DST: variants seen among roughly 807,000 people sequenced by gnomAD.
DST encodes the protein dystonin, also known as bullous pemphigoid antigen.
A neutral mutation model predicts 875.2 loss-of-function variants in DST; 253 were observed. That is an observed-to-expected ratio of 0.29 (90% CI 0.26 to 0.32). The LOEUF is 0.32. Among genes scored for constraint, DST ranks in the 10% least tolerant of loss-of-function variants. DST has a pLI of 1.00. For synonymous variants in DST, 3,124 were observed against 3,197.1 expected (o/e 0.98, Z 0.77); for missense variants, 8,287 against 9,111.6 (o/e 0.91, Z 3.68).
rs1337252221 is a variant in DST, at chr6:56,640,450, C to G, written c.2183G>C (p.Ser728Thr). 6 of 1,614,066 alleles carry G rather than the reference C, an allele frequency of 3.7e-6. No individual in the cohort carries two copies. Among genetic ancestry groups the G allele is most frequent in the Non-Finnish European group, 5.1e-6 (6 of 1,180,050 alleles). Residue 728 changes from serine to threonine, a missense_variant, in exon 18 of 104, where the codon AGT becomes ACT. Around this residue, in one of 10 missense-constraint regions of DST, gnomAD observed 1,160 missense variants for 1,424.3 expected, o/e 0.81. Coordinates refer to ENST00000680361, the MANE Select transcript of DST (RefSeq NM_001374736.1). ...NSGFAQTLHP[S>T]LTSGLTQSLT... ...ACTCTGGGTCAGCCCTGAGGTCAGA[C>G]TAGGGTGTAAGGTCTGTGCAAATCC...
intron 36 of DST, chr6:56,615,981 T>C (rs1319068420): frequency 1.9e-6 from 3 of 1,614,102 alleles, no homozygotes; most frequent in African/African-American, 2.7e-5. Flanking sequence ...CGGTACTTTT[T>C]GCCAGTAAGA....
At chr6:56,475,434 C>CACACACACACACACACACAA (rs1554218118) in intron 92 of DST, among the ~76,000 whole-genome samples, 1 of 144,620 alleles carries the variant, frequency 6.9e-6, no homozygotes, top group African/African-American at 2.5e-5. Context: ...CACACACACA[C>CACACACACACACACACACAA]AAAATAATGG....
chr6:56,484,856 G>C (rs899337573), intron 88 of DST: 2 of 156,030 alleles, frequency 1.3e-5, no homozygotes, highest in African/African-American at 4.8e-5. Context: ...GGTTAAAACA[G>C]TTTTGGTTCG....
At chr6:56,870,464 G>T (rs1776527698) in intron 3 of DST, among the ~76,000 whole-genome samples, 1 of 149,082 alleles carries the variant, frequency 6.7e-6, no homozygotes, top group African/African-American at 2.5e-5. Flanking sequence ...AGAGCTCATG[G>T]TAAAAAGTCA....
intron 4 of DST, among the ~76,000 whole-genome samples, chr6:56,753,234 T>C (rs2099593099): frequency 1.3e-5 from 2 of 152,166 alleles, no homozygotes; most frequent in Non-Finnish European, 2.9e-5. Context: ...CATGAATGGC[T>C]ACACTAGAAT....
At chr6:56,488,170 G>A (rs1036555847) in intron 86 of DST, among the ~76,000 whole-genome samples, 1 of 152,124 alleles carries the variant, frequency 6.6e-6, no homozygotes, top group Non-Finnish European at 1.5e-5. Flanking sequence ...CAGAATGCCA[G>A]TGTTATAGAA....
intron 100 of DST, 41 bp downstream of exon 100, chr6:56,464,644 G>A (rs1253335930): frequency 7.3e-7 from 1 of 1,377,714 alleles, no homozygotes; most frequent in East Asian, 2.4e-5. Context: ...GTAGGAAAGA[G>A]AAAAGGAAAG....
chr6:56,558,155 T>C (rs1011851680), intron 58 of DST, among the ~76,000 whole-genome samples: 1 of 152,172 alleles, frequency 6.6e-6, no homozygotes, highest in African/African-American at 2.4e-5. Flanking sequence ...CCTAACTCTA[T>C]TATACCCTCG....
intron 5 of DST, among the ~76,000 whole-genome samples, chr6:56,706,582 T>C (rs1364765482): frequency 6.6e-6 from 1 of 152,202 alleles, no homozygotes; most frequent in East Asian, 1.9e-4. Context: ...ACTGGTTTCA[T>C]GGGAGACAGT....
intron 29 of DST, 38 bp from the exon 30 acceptor site, chr6:56,631,427 A>C: frequency 6.4e-7 from 1 of 1,566,226 alleles, no homozygotes; most frequent in East Asian, 2.2e-5. Context: ...TCAGGCCATC[A>C]CCTGTGATGA....
chr6:56,662,719 C>T (rs1291898833), intron 10 of DST, among the ~76,000 whole-genome samples: 1 of 152,050 alleles, frequency 6.6e-6, no homozygotes, highest in East Asian at 1.9e-4. Context: ...GCAGGTGGAT[C>T]ATTTGAGGTC....
At chr6:56,482,981 C>T in intron 88 of DST, 104 bp from the exon 89 acceptor site, 5 of 788,082 alleles carry the variant, frequency 6.3e-6, no homozygotes, top group Non-Finnish European at 9.0e-6. Context: ...GTAAAGATAT[C>T]TAAGACCTAC....
chr6:56,827,976 T>C (rs779163061), intron 4 of DST, among the ~76,000 whole-genome samples: 2 of 152,136 alleles, frequency 1.3e-5, no homozygotes, highest in Non-Finnish European at 2.9e-5. Flanking sequence ...ATATGCCCAT[T>C]TGAGGTGAGA....
intron 15 of DST, among the ~76,000 whole-genome samples, chr6:56,645,609 G>C (rs932809618): frequency 7.9e-5 from 12 of 152,252 alleles, no homozygotes; most frequent in Admixed American, 7.8e-4. Flanking sequence ...AATTTTGACT[G>C]GTTTTAAAAC....
chr6:56,803,060 A>T (rs192786744), intron 4 of DST, among the ~76,000 whole-genome samples: 1 of 152,328 alleles, frequency 6.6e-6, no homozygotes, highest in Non-Finnish European at 1.5e-5. Context: ...TAATGTGTTA[A>T]GCATTGAGCT....
chr6:56,801,874 C>T (rs1386005381), intron 4 of DST, among the ~76,000 whole-genome samples: 3 of 151,762 alleles, frequency 2.0e-5, no homozygotes, highest in Non-Finnish European at 4.4e-5. Flanking sequence ...CTCAGCCTCC[C>T]GAGGAGCTGG....
At chr6:56,602,077 G>T in intron 43 of DST, 1 of 349,148 alleles carries the variant, frequency 2.9e-6, no homozygotes, top group East Asian at 9.6e-5. Context: ...ATAATACTTT[G>T]AGGGATTTGA....
chr6:56,519,768 T>C (rs1158371980), intron 69 of DST, among the ~76,000 whole-genome samples: 1 of 152,164 alleles, frequency 6.6e-6, no homozygotes, highest in Non-Finnish European at 1.5e-5. Flanking sequence ...ACCCCCACCT[T>C]CTGCCAGAGT....
intron 55 of DST, among the ~76,000 whole-genome samples, chr6:56,563,622 C>T (rs1379136697): frequency 1.3e-5 from 2 of 152,126 alleles, no homozygotes; most frequent in Non-Finnish European, 2.9e-5. Context: ...GTTGCCATTG[C>T]TTTTGGTGTT....
Sources: allele counts gnomAD v4.1 joint callset (sites outside exome capture counted in the v4.1 genomes callset), GRCh38; gene constraint gnomAD v4.1.1; regional missense constraint gnomAD v4.1.1; transcripts MANE v1.5; gene names NCBI Gene and HGNC (gene_info 2026-07-23, HGNC 2026-07-21).